Variants in GAB1 observed in about 807,000 individuals in gnomAD.
GAB1 encodes the protein GRB2-associated-binding protein 1.
Under a neutral mutation model 66.5 loss-of-function variants are expected in GAB1, and 19 were observed. The ratio of observed to expected loss-of-function variants is 0.29; its 90% CI spans 0.20 to 0.42. The LOEUF (loss-of-function observed/expected upper bound fraction) is 0.42, where lower values mean the gene tolerates loss of function less well. Ranked by LOEUF, GAB1 falls within the 10% of genes least tolerant of loss-of-function variation. The probability of loss-of-function intolerance (pLI) is 1.00; values close to 1 mark genes in which losing one functional copy is unlikely to be tolerated. For missense variants in GAB1, 732 were observed against 858.5 expected, an observed-to-expected ratio of 0.85 and a Z score of 1.84; for synonymous variants, 294 against 301.4, an observed-to-expected ratio of 0.98 and a Z score of 0.25.
chr4:143,403,924 T>A (rs1731908565), intron 1 of GAB1, among the ~76,000 whole-genome samples: 1 of 152,224 alleles, frequency 6.6e-6, no homozygotes, highest in South Asian at 2.1e-4. Context: ...AAAATGATAT[T>A]TAAGCGTTAT....
At chr4:143,351,700 A>G (rs926361280) in intron 1 of GAB1, among the ~76,000 whole-genome samples, 2 of 152,152 alleles carry the variant, frequency 1.3e-5, no homozygotes, top group Non-Finnish European at 1.5e-5. Flanking sequence ...TTCCCGTCCC[A>G]GCACTTCCAT....
At chr4:143,354,668 A>G (rs1729369686) in intron 1 of GAB1, among the ~76,000 whole-genome samples, 1 of 152,170 alleles carries the variant, frequency 6.6e-6, no homozygotes, top group Non-Finnish European at 1.5e-5. Context: ...ATTTTTGTTT[A>G]CTTATATTTG....
chr4:143,356,383 T>G (rs929462152), intron 1 of GAB1, among the ~76,000 whole-genome samples: 4 of 152,208 alleles, frequency 2.6e-5, no homozygotes, highest in African/African-American at 9.6e-5. Context: ...GAAAATTGTT[T>G]TTAAAAAAGT....
intron 1 of GAB1, among the ~76,000 whole-genome samples, chr4:143,408,828 AC>A (rs1270647369): frequency 6.6e-6 from 1 of 152,236 alleles, no homozygotes; most frequent in Non-Finnish European, 1.5e-5. Context: ...GTTGTGAAAT[AC>A]CTTTTAAGAG....
chr4:143,360,684 A>C (rs902937697), intron 1 of GAB1, among the ~76,000 whole-genome samples: 1 of 152,172 alleles, frequency 6.6e-6, no homozygotes, highest in African/African-American at 2.4e-5. Flanking sequence ...CTTGTTGTTA[A>C]TAAGAATTTT....
chr4:143,455,097 C>A (rs976929573), intron 6 of GAB1, among the ~76,000 whole-genome samples: 2 of 152,148 alleles, frequency 1.3e-5, no homozygotes, highest in Non-Finnish European at 2.9e-5. Context: ...ACTCCCTGCT[C>A]CTTCCGTTTC....
At chr4:143,377,694 CT>C (rs2149673224) in intron 1 of GAB1, among the ~76,000 whole-genome samples, 1 of 152,236 alleles carries the variant, frequency 6.6e-6, no homozygotes, top group African/African-American at 2.4e-5. Context: ...ACAGAGGGGA[CT>C]TTCCCACTTC....
chr4:143,422,437 T>C (rs1733079728), intron 2 of GAB1, among the ~76,000 whole-genome samples: 1 of 152,194 alleles, frequency 6.6e-6, no homozygotes, highest in Admixed American at 6.5e-5. Context: ...TATTATTATA[T>C]GCTCAGATAC....
At chr4:143,464,447 C>A (rs896752259) in intron 8 of GAB1, among the ~76,000 whole-genome samples, 13 of 152,130 alleles carry the variant, frequency 8.5e-5, no homozygotes, top group Admixed American at 8.5e-4. Flanking sequence ...CCAGGCTGGT[C>A]TCAAACTCCT....
intron 1 of GAB1, among the ~76,000 whole-genome samples, chr4:143,403,276 C>T (rs1731867330): frequency 6.6e-6 from 1 of 152,142 alleles, no homozygotes; most frequent in Non-Finnish European, 1.5e-5. Context: ...TCCTTCAACA[C>T]TTCTCTCCTT....
At chr4:143,374,868 T>G (rs1269160744) in intron 1 of GAB1, among the ~76,000 whole-genome samples, 1 of 152,178 alleles carries the variant, frequency 6.6e-6, no homozygotes, top group African/African-American at 2.4e-5. Context: ...TGGCCTTCCT[T>G]ACTTACCTCT....
intron 1 of GAB1, among the ~76,000 whole-genome samples, chr4:143,411,679 T>A (rs1342455126): frequency 6.6e-6 from 1 of 152,212 alleles, no homozygotes; most frequent in Non-Finnish European, 1.5e-5. Context: ...TGGGCCCGTT[T>A]TGTGCTCTGA....
intron 6 of GAB1, among the ~76,000 whole-genome samples, chr4:143,452,666 C>T (rs1460330169): frequency 2.0e-5 from 3 of 152,146 alleles, no homozygotes; most frequent in East Asian, 1.9e-4. Flanking sequence ...TAATCGTACT[C>T]CAAATTAGGG....
chr4:143,363,074 C>A (rs1457269283), intron 1 of GAB1, among the ~76,000 whole-genome samples: 1 of 152,214 alleles, frequency 6.6e-6, no homozygotes, highest in Non-Finnish European at 1.5e-5. Flanking sequence ...CCCAAAATCA[C>A]ACAGTGCATA....
chr4:143,443,313 G>A (rs1193609212), intron 6 of GAB1, among the ~76,000 whole-genome samples: 1 of 152,098 alleles, frequency 6.6e-6, no homozygotes, highest in Non-Finnish European at 1.5e-5. Flanking sequence ...ACTGTGCCCG[G>A]CCTGTACTAT....
At chr4:143,427,215 T>C (rs1359907470) in intron 2 of GAB1, among the ~76,000 whole-genome samples, 1 of 152,130 alleles carries the variant, frequency 6.6e-6, no homozygotes, top group Non-Finnish European at 1.5e-5. Flanking sequence ...TCTAAAGAAG[T>C]GCATCTAACT....
chr4:143,457,708 A>T, intron 6 of GAB1: 1 of 1,566,358 alleles, frequency 6.4e-7, no homozygotes, highest in African/African-American at 1.4e-5. Flanking sequence ...TAAGACTCAA[A>T]CCCCATGGTT....
intron 3 of GAB1, among the ~76,000 whole-genome samples, chr4:143,434,412 T>C (rs1050115023): frequency 6.6e-6 from 1 of 150,792 alleles, no homozygotes; most frequent in South Asian, 2.1e-4. Flanking sequence ...CTGTTGCCCA[T>C]GGCTCACTCA....
chr4:143,356,964 C>G (rs189321971), intron 1 of GAB1, among the ~76,000 whole-genome samples: 313 of 152,242 alleles, frequency 2.1e-3, no homozygotes, highest in African/African-American at 7.1e-3. Flanking sequence ...TTTGGACTTT[C>G]TCTTTCTACC....
Sources: allele counts gnomAD v4.1 joint callset (sites outside exome capture counted in the v4.1 genomes callset), GRCh38; gene constraint gnomAD v4.1.1; transcripts MANE v1.5; gene names NCBI Gene and HGNC (gene_info 2026-07-23, HGNC 2026-07-21).